The following FAM3A variants were observed in gnomAD, a reference collection of about 807,000 sequenced individuals.
The protein encoded by FAM3A is protein FAM3A.
Under a neutral mutation model 18.1 loss-of-function variants are expected in FAM3A, and 5 were observed. The observed-to-expected ratio is 0.28, with a 90% confidence interval of 0.14 to 0.58. The LOEUF is 0.58. Among genes scored for constraint, FAM3A ranks in the 20% least tolerant of loss-of-function variants. FAM3A has a pLI of 0.91. For synonymous variants in FAM3A, 108 were observed against 90.2 expected (o/e 1.20, Z -1.12); for missense variants, 154 against 216.6 (o/e 0.71, Z 1.81).
At chrX:154,508,882 G>A (rs1308326869) in intron 3 of FAM3A, 7 of 430,394 alleles carry the variant, frequency 1.6e-5, no homozygotes, top group Non-Finnish European at 3.1e-5. Context: ...AAGCAGGGGT[G>A]AAGTAAGTCA....
intron 6 of FAM3A, 106 bp downstream of exon 6, chrX:154,507,705 G>A (rs1350845924): frequency 6.5e-6 from 6 of 923,008 alleles, no homozygotes; most frequent in Non-Finnish European, 9.2e-6. Flanking sequence ...AACCCACGGA[G>A]GTGACTGAGA....
chrX:154,508,370 G>GGGGCCCCCCCCCCCCCCCCCCCCC, intron 4 of FAM3A, 23 bp from the exon 5 acceptor site: 1 of 317,088 alleles, frequency 3.2e-6, no homozygotes, highest in Non-Finnish European at 5.6e-6. Flanking sequence ...GGGTGGGGGG[G>GGGGCCCCCCCCCCCCCCCCCCCCC]ACGGGGAGAT....
In FAM3A at chrX:154,508,360, G is replaced by C. The variant is rs782122362; in HGVS notation, c.276-13C>G. 14 of 391,255 alleles carry C rather than the reference G, an allele frequency of 3.6e-5. No individual in the cohort carries two copies. Among genetic ancestry groups the C allele is most frequent in the Non-Finnish European group, 5.7e-5 (13 of 226,674 alleles). 32.2% of individuals were successfully genotyped at this position (391,255 alleles called of 1,213,427 possible). On this transcript the variant is annotated splice_polypyrimidine_tract_variant and intron_variant, in intron 4 of 8. Coordinates refer to ENST00000447601, the MANE Select transcript of FAM3A (RefSeq NM_021806.4). ...GCTGCTCATCAGCCTAGTTGGGGGG[G>C]GGTGGGGGGGACGGGGAGATCCCAC...
intron 3 of FAM3A, 73 bp downstream of exon 3, chrX:154,511,775 C>T: frequency 3.9e-6 from 4 of 1,036,721 alleles, no homozygotes; most frequent in Non-Finnish European, 1.4e-6. Context: ...AATGGAAAAC[C>T]GAAGCCCTAC....
chrX:154,507,595 G>C, intron 6 of FAM3A, 105 bp from the exon 7 acceptor site: 1 of 913,454 alleles, frequency 1.1e-6, no homozygotes, highest in Non-Finnish European at 1.5e-6. Context: ...TTGGGCCTGG[G>C]ACATGCCCCG....
At chrX:154,511,949 G>T (rs782385334) in intron 2 of FAM3A, 78 bp from the exon 3 acceptor site, 10 of 952,988 alleles carry the variant, frequency 1.0e-5, no homozygotes, top group Non-Finnish European at 1.2e-5. Context: ...TCCTTACACC[G>T]CGAAGTGTAG....
chrX:154,508,370 G>GGGGGGGGGCCCCCCCCC, intron 4 of FAM3A, 23 bp from the exon 5 acceptor site: 1 of 317,094 alleles, frequency 3.2e-6, no homozygotes, highest in Non-Finnish European at 5.5e-6. Flanking sequence ...GGGTGGGGGG[G>GGGGGGGGGCCCCCCCCC]ACGGGGAGAT....
At chrX:154,515,541 G>A (rs1359301222) in intron 1 of FAM3A, among the ~76,000 whole-genome samples, 1 of 112,351 alleles carries the variant, frequency 8.9e-6, no homozygotes, top group African/African-American at 3.2e-5. Flanking sequence ...GGGAGATACT[G>A]ACTATACTAA....
chrX:154,507,097 G>A, intron 8 of FAM3A, 106 bp downstream of exon 8: 1 of 1,058,490 alleles, frequency 9.4e-7, no homozygotes, highest in Non-Finnish European at 1.3e-6. Context: ...AGCTGGACTG[G>A]GGACGGTCCC....
chrX:154,515,111 C>T (rs1460891300), intron 1 of FAM3A, among the ~76,000 whole-genome samples: 2 of 112,449 alleles, frequency 1.8e-5, no homozygotes, highest in Non-Finnish European at 3.8e-5. Flanking sequence ...TGAGCCACCG[C>T]GCCCGGCCTG....
chrX:154,507,430 G>A lies in FAM3A; in HGVS notation c.446C>T (p.Ala149Val). 8.3e-7 allele frequency: 1 copy of A among 1,211,572 alleles called. No individual in the cohort carries two copies. The highest frequency in any genetic ancestry group is 1.8e-5 in the South Asian group (1 of 57,003). ...CTTGGTGGCTGGGTCGTCGTAGGAT[G>A]CCACGAACACCAGGGTGCCTTCGTG... ...PLHEGTLVFV[A>V]SYDDPATKMN... The change falls in exon 7 of 9, where the codon GCA becomes GTA. Residue 149 changes from alanine (A) to valine (V), a missense_variant. By Grantham distance (64) the Ala-to-Val change is moderately conservative. This residue lies in a region of FAM3A where 112 missense variants were observed against 160.0 expected (regional missense o/e 0.70). Coordinates refer to ENST00000447601, the MANE Select transcript of FAM3A (RefSeq NM_021806.4).
rs1234590110 is a variant in FAM3A, at chrX:154,512,266, TAAGAAG to T, written c.128-401_128-396del. The T allele has an allele frequency of 4.6e-3, 746 of 162,166 alleles. 12 individuals are homozygous for T. Among genetic ancestry groups the T allele is most frequent in the African/African-American group, 0.032 (676 of 20,906 alleles). The allele number at this position is 162,166 out of a possible 1,213,427, so 13.4% of individuals were successfully genotyped here. ...ATAATAATAATAATAATAATAATAA[TAAGAAG>T]AAGAAGAAGAAGAAGAAGAAGCCGG... On this transcript the variant is annotated intron_variant, in intron 2 of 8. Coordinates refer to ENST00000447601, the MANE Select transcript of FAM3A (RefSeq NM_021806.4).
intron 3 of FAM3A, chrX:154,509,707 G>A (rs1397375064): frequency 9.0e-6 from 1 of 111,720 alleles, no homozygotes; most frequent in Non-Finnish European, 1.9e-5. Context: ...GCAAGCATAT[G>A]AGACGCAGGA....
intron 3 of FAM3A, chrX:154,509,034 G>A: frequency 3.9e-6 from 1 of 258,246 alleles, no homozygotes; most frequent in South Asian, 3.7e-5. Flanking sequence ...TTCTATTATG[G>A]GTTGAATTCT....
At chrX:154,513,500 C>T (rs2070009030) in intron 1 of FAM3A, among the ~76,000 whole-genome samples, 3 of 110,664 alleles carry the variant, frequency 2.7e-5, no homozygotes, top group South Asian at 3.8e-4. Context: ...CATGGTGGCG[C>T]GCACCTGTAA....
In FAM3A at chrX:154,508,026, CCT is replaced by C. The variant is rs1481139434; in HGVS notation, c.335-167_335-166del. ...CTGCATCCCACCCCAAGCCGTGGTG[CCT>C]CTGTCTGGCATTTGAGGCCCTCCGG... On this transcript the variant is annotated intron_variant, in intron 5 of 8. Transcript: ENST00000447601. 5.7e-6 allele frequency: 3 copies of C among 528,368 alleles called. No individual in the cohort carries two copies. In the African/African-American group the frequency reaches 7.0e-5, roughly 12 times the overall value. The allele number at this position is 528,368 out of a possible 1,213,427, so 43.5% of individuals were successfully genotyped here.
chrX:154,511,984 C>T (rs782164443), intron 2 of FAM3A, 113 bp from the exon 3 acceptor site: 59 of 684,291 alleles, frequency 8.6e-5, no homozygotes, highest in East Asian at 2.7e-4. Context: ...GCTCAGGGGC[C>T]GGGGGCTAAG....
chrX:154,511,836 C>T lies in FAM3A; in HGVS notation c.151+12G>A. On this transcript the variant is annotated intron_variant, in intron 3 of 8. Coordinates refer to ENST00000447601, the MANE Select transcript of FAM3A (RefSeq NM_021806.4). ...ACAAAGGGGAGGAGCAGGGAGGTGA[C>T]AGGGGCCTTACCTGCAGTCACCGAG... 1 of 1,207,823 alleles carries T rather than the reference C, an allele frequency of 8.3e-7. No homozygotes were observed. The highest frequency in any genetic ancestry group is 1.1e-6 in the Non-Finnish European group (1 of 892,474).
At chrX:154,513,343 C>T (rs1369276619) in intron 1 of FAM3A, among the ~76,000 whole-genome samples, 2 of 111,724 alleles carry the variant, frequency 1.8e-5, no homozygotes, top group Non-Finnish European at 3.8e-5. Context: ...CTTTTAAGAC[C>T]AGTCCCGGCC....
Sources: gnomAD v4.1 joint callset for allele counts (sites outside exome capture counted in the v4.1 genomes callset) on GRCh38, gnomAD v4.1.1 for gene constraint, gnomAD v4.1.1 regional missense constraint, MANE v1.5 for transcripts, NCBI Gene and HGNC (gene_info 2026-07-23, HGNC 2026-07-21) for gene names.